SOX5: variants seen among roughly 807,000 people sequenced by gnomAD.
SOX5 encodes the protein SRY-box transcription factor 5, also known as transcription factor SOX-5.
In SOX5, 9 loss-of-function variants were observed where a neutral mutation model predicts 92.0. The observed-to-expected ratio is 0.10, with a 90% confidence interval of 0.06 to 0.17. The LOEUF is 0.17. Among genes scored for constraint, SOX5 ranks in the 10% least tolerant of loss-of-function variants. The pLI is 1.00. For missense variants in SOX5, 642 were observed against 944.5 expected, an observed-to-expected ratio of 0.68 and a Z score of 4.20; for synonymous variants, 344 against 336.3, an observed-to-expected ratio of 1.02 and a Z score of -0.25.
chr12:23,833,710 C>A (rs1449141980), intron 3 of SOX5, among the ~76,000 whole-genome samples: 1 of 151,080 alleles, frequency 6.6e-6, no homozygotes, highest in African/African-American at 2.4e-5. Context: ...CTCTAAGTCA[C>A]AGAAAAAAAT....
At chr12:23,950,631 A>G (rs1283113486), upstream of SOX5, among the ~76,000 whole-genome samples, 1 of 152,232 alleles carries the variant, frequency 6.6e-6, no homozygotes, top group Non-Finnish European at 1.5e-5. Context: ...TGGGGAGGTC[A>G]GGAGTAGGAA....
chr12:24,526,346 A>C (rs1019669625), intron 1 of SOX5, among the ~76,000 whole-genome samples: 1 of 152,168 alleles, frequency 6.6e-6, no homozygotes, highest in African/African-American at 2.4e-5. Context: ...AGCGGAGAGA[A>C]GAACGTGGGT....
intron 1 of SOX5, among the ~76,000 whole-genome samples, chr12:24,388,076 A>G (rs965171512): frequency 1.3e-5 from 2 of 152,230 alleles, no homozygotes; most frequent in Non-Finnish European, 2.9e-5. Context: ...GAACTTCAGA[A>G]GTAATTCAAT....
At chr12:24,041,904 G>A (rs1317772404) in intron 4 of SOX5, among the ~76,000 whole-genome samples, 1 of 152,028 alleles carries the variant, frequency 6.6e-6, no homozygotes, top group Non-Finnish European at 1.5e-5. Flanking sequence ...ATAATAATTT[G>A]TAACTTATTT....
chr12:23,668,994 A>G (rs1566859001), intron 6 of SOX5, among the ~76,000 whole-genome samples: 1 of 152,148 alleles, frequency 6.6e-6, no homozygotes, highest in Non-Finnish European at 1.5e-5. Context: ...TCAAGAAATT[A>G]ATGTATTAAG....
chr12:23,578,957 C>A (rs1244869158), intron 9 of SOX5, among the ~76,000 whole-genome samples: 13 of 151,840 alleles, frequency 8.6e-5, no homozygotes, highest in Admixed American at 7.2e-4. Flanking sequence ...CAAAGCAAAG[C>A]AAAGCAAAGA....
At chr12:23,965,050 C>T (rs1042271574) in intron 4 of SOX5, among the ~76,000 whole-genome samples, 4 of 152,192 alleles carry the variant, frequency 2.6e-5, no homozygotes, top group African/African-American at 7.2e-5. Flanking sequence ...CAGCTCCCAG[C>T]AGCCCCCAGG....
At chr12:23,763,434 G>A (rs566958984) in intron 3 of SOX5, among the ~76,000 whole-genome samples, 5 of 152,192 alleles carry the variant, frequency 3.3e-5, no homozygotes, top group Middle Eastern at 3.4e-3. Flanking sequence ...TCATCAAAGA[G>A]TAATAGGGCT....
rs911385379 is a variant in SOX5 at position 24,129,501 on chromosome 12, C to G, written c.-2+83842G>C. 2.0e-5 allele frequency among the ~76,000 whole-genome samples: 3 copies of G among 152,072 alleles called. No individual in the cohort carries two copies. The East Asian group carries it at 5.8e-4, about 29-fold the overall frequency. ...TGGCACTGTGCCTGAACTCAGTGGC[C>G]TCAACAAAATTGTGCAGGGATGGAT... is the stretch of plus-strand genomic sequence containing the variant. On this transcript the variant is annotated intron_variant, in intron 4 of 4. Coordinates refer to the SOX5 transcript ENST00000446891.
chr12:24,222,964 C>A (rs1200001579), intron 3 of SOX5, among the ~76,000 whole-genome samples: 2 of 152,146 alleles, frequency 1.3e-5, no homozygotes, highest in Non-Finnish European at 2.9e-5. Flanking sequence ...ATACAACTGT[C>A]CGGCACCCCA....
At chr12:23,643,767 G>T (rs1163962795) in intron 7 of SOX5, among the ~76,000 whole-genome samples, 2 of 152,154 alleles carry the variant, frequency 1.3e-5, no homozygotes, top group Non-Finnish European at 2.9e-5. Flanking sequence ...AACAATGGCG[G>T]TTTCAGTGGA....
chr12:23,622,522 A>G (rs967492945), intron 8 of SOX5, among the ~76,000 whole-genome samples: 2 of 106,802 alleles, frequency 1.9e-5, no homozygotes, highest in Non-Finnish European at 3.9e-5. Flanking sequence ...GAAAATAAAA[A>G]GGGTGATTTT....
At chr12:24,193,490 A>C (rs1956723094) in intron 4 of SOX5, among the ~76,000 whole-genome samples, 1 of 152,202 alleles carries the variant, frequency 6.6e-6, no homozygotes, top group Non-Finnish European at 1.5e-5. Flanking sequence ...CATGAAGCAA[A>C]TTACTTAAAT....
At chr12:24,027,354 G>C (rs1402701940) in intron 4 of SOX5, among the ~76,000 whole-genome samples, 1 of 151,920 alleles carries the variant, frequency 6.6e-6, no homozygotes, top group African/African-American at 2.4e-5. Flanking sequence ...ATCTTCATTT[G>C]GATGGTTTGC....
intron 4 of SOX5, among the ~76,000 whole-genome samples, chr12:24,048,571 T>C (rs905958805): frequency 1.3e-5 from 2 of 152,152 alleles, no homozygotes; most frequent in African/African-American, 4.8e-5. Flanking sequence ...ATAATGTGAA[T>C]TCATACTCAT....
chr12:23,844,361 C>A (rs2096552052), intron 3 of SOX5, among the ~76,000 whole-genome samples: 1 of 152,092 alleles, frequency 6.6e-6, no homozygotes, highest in Non-Finnish European at 1.5e-5. Context: ...AAGTTGGGGA[C>A]CATCTGCATA....
At chr12:23,836,128 T>A (rs1053738630) in intron 3 of SOX5, among the ~76,000 whole-genome samples, 1 of 151,910 alleles carries the variant, frequency 6.6e-6, no homozygotes. Flanking sequence ...ATATATTCAA[T>A]GTCTTGATAG....
intron 3 of SOX5, among the ~76,000 whole-genome samples, chr12:23,763,265 G>A (rs1188072936): frequency 2.6e-5 from 4 of 152,066 alleles, no homozygotes; most frequent in South Asian, 2.1e-4. Context: ...TTTATGTAAC[G>A]CCATTAAAAC....
At chr12:24,290,699 C>A (rs551715076) in intron 2 of SOX5, among the ~76,000 whole-genome samples, 1 of 152,186 alleles carries the variant, frequency 6.6e-6, no homozygotes, top group Non-Finnish European at 1.5e-5. Context: ...GACGGACTCA[C>A]GCTATAAAGA....
Sources: allele counts gnomAD v4.1 joint callset (sites outside exome capture counted in the v4.1 genomes callset), GRCh38; gene constraint gnomAD v4.1.1; transcripts MANE v1.5; gene names NCBI Gene and HGNC (gene_info 2026-07-23, HGNC 2026-07-21).